Variants in NXPE2 observed in about 807,000 individuals in gnomAD.
The protein encoded by NXPE2 is NXPE family member 2.
Under a neutral mutation model 34.4 loss-of-function variants are expected in NXPE2, and 34 were observed. The observed-to-expected ratio is 0.99, with a 90% CI of 0.75 to 1.31. NXPE2 has a LOEUF of 1.31. NXPE2 is among the 40% of genes most tolerant of loss of function. The pLI is 0.00. For synonymous variants in NXPE2, 235 were observed against 231.3 expected (o/e 1.02, Z -0.15); for missense variants, 649 against 672.5 (o/e 0.97, Z 0.39).
At chr11:114,540,013 T>C in the NXPE2 span, among the ~76,000 whole-genome samples, 1 of 152,346 alleles carries the variant, frequency 6.6e-6, no homozygotes, top group South Asian at 2.1e-4. Flanking sequence ...ATAATTTCCT[T>C]ATGACCTCAC....
the NXPE2 span, among the ~76,000 whole-genome samples, chr11:114,775,880 GA>G: frequency 0.073 from 10,525 of 144,130 alleles, 407 homozygotes; most frequent in Non-Finnish European, 0.08. Flanking sequence ...ACAAAAAAAC[GA>G]AAAAAAAAAA....
chr11:114,522,568 T>C, the NXPE2 span: 10 of 1,353,578 alleles, frequency 7.4e-6, no homozygotes, highest in Middle Eastern at 8.2e-4. Flanking sequence ...AAAAAGAATG[T>C]CCTATCATTT....
chr11:114,648,995 T>A, the NXPE2 span, among the ~76,000 whole-genome samples: 1,550 of 152,310 alleles, frequency 0.01, 21 homozygotes, highest in African/African-American at 0.035. Flanking sequence ...TATATTTTTA[T>A]ACAAAAATAA....
the NXPE2 span, among the ~76,000 whole-genome samples, chr11:114,622,635 G>C: frequency 6.6e-6 from 1 of 151,740 alleles, no homozygotes. Flanking sequence ...TGGATAATAA[G>C]TGTTGCCTCG....
chr11:114,773,279 A>ACCCCCCC, the NXPE2 span, among the ~76,000 whole-genome samples: 48 of 69,406 alleles, frequency 6.9e-4, no homozygotes, highest in South Asian at 1.6e-3. Flanking sequence ...ACCCACTCCC[A>ACCCCCCC]CCCCCCCCCC....
chr11:114,501,322 A>AC, the NXPE2 span, among the ~76,000 whole-genome samples: 1 of 152,190 alleles, frequency 6.6e-6, no homozygotes, highest in East Asian at 1.9e-4. Context: ...TCTAAGCACT[A>AC]CCCCTTACAG....
At chr11:114,630,469 T>C in the NXPE2 span, among the ~76,000 whole-genome samples, 1 of 151,746 alleles carries the variant, frequency 6.6e-6, no homozygotes, top group Non-Finnish European at 1.5e-5. Flanking sequence ...TGGCTAGCCA[T>C]ATGTAGAAAG....
chr11:114,681,404 T>C (rs1950947625), intron 2 of NXPE2, among the ~76,000 whole-genome samples: 1 of 152,330 alleles, frequency 6.6e-6, no homozygotes, highest in East Asian at 1.9e-4. Context: ...GCTCCTCATG[T>C]AGCATGTGTA....
At chr11:114,489,884 A>G in the NXPE2 span, among the ~76,000 whole-genome samples, 1 of 151,926 alleles carries the variant, frequency 6.6e-6, no homozygotes, top group African/African-American at 2.4e-5. Context: ...AAGGGAAGAA[A>G]GGGCATTCAA....
At chr11:114,482,831 G>A in the NXPE2 span, among the ~76,000 whole-genome samples, 5 of 152,172 alleles carry the variant, frequency 3.3e-5, no homozygotes, top group African/African-American at 1.2e-4. Context: ...TCCCATAGGA[G>A]GTGTGGTTGC....
At chr11:114,467,297 G>A in the NXPE2 span, among the ~76,000 whole-genome samples, 1 of 152,146 alleles carries the variant, frequency 6.6e-6, no homozygotes, top group Non-Finnish European at 1.5e-5. Context: ...GTTCCTACCA[G>A]GAGTTCCTAA....
the NXPE2 span, among the ~76,000 whole-genome samples, chr11:114,543,471 T>C: frequency 3.3e-5 from 5 of 150,924 alleles, no homozygotes; most frequent in Non-Finnish European, 7.4e-5. Context: ...TGGGGAGCCA[T>C]GTTTGTGCCA....
the NXPE2 span, among the ~76,000 whole-genome samples, chr11:114,731,751 AC>A: frequency 6.6e-6 from 1 of 152,250 alleles, no homozygotes; most frequent in Non-Finnish European, 1.5e-5. Flanking sequence ...ATTTTATAGA[AC>A]TAAATACACA....
At chr11:114,528,729 GA>G in the NXPE2 span, 1 of 552,304 alleles carries the variant, frequency 1.8e-6, no homozygotes, top group Non-Finnish European at 3.4e-6. Flanking sequence ...GAAAGTGGAG[GA>G]AGGAAGAAAG....
chr11:114,632,040 TATATA>T, the NXPE2 span, among the ~76,000 whole-genome samples: 1 of 145,674 alleles, frequency 6.9e-6, no homozygotes, highest in Non-Finnish European at 1.5e-5. Flanking sequence ...TTATATATAA[TATATA>T]ATTTAATAAT....
At chr11:114,671,343 G>GGA in the NXPE2 span, among the ~76,000 whole-genome samples, 1 of 151,766 alleles carries the variant, frequency 6.6e-6, no homozygotes, top group African/African-American at 2.4e-5. Flanking sequence ...GGAATTAGGA[G>GGA]AGGATAGGGA....
At chr11:114,796,664 C>T in the NXPE2 span, among the ~76,000 whole-genome samples, 1 of 152,220 alleles carries the variant, frequency 6.6e-6, no homozygotes, top group African/African-American at 2.4e-5. Flanking sequence ...GAGTGCCAGG[C>T]TTTCTGCTGC....
intron 2 of NXPE2, among the ~76,000 whole-genome samples, chr11:114,681,380 C>G (rs1425775762): frequency 6.6e-6 from 1 of 152,162 alleles, no homozygotes; most frequent in African/African-American, 2.4e-5. Context: ...GAATATGGTA[C>G]TCTACCTTCA....
chr11:114,602,246 C>A, the NXPE2 span, among the ~76,000 whole-genome samples: 5 of 113,508 alleles, frequency 4.4e-5, no homozygotes, highest in African/African-American at 1.5e-4. Context: ...ATACTATATA[C>A]AATATATGTT....
Sources: allele counts gnomAD v4.1 joint callset (sites outside exome capture counted in the v4.1 genomes callset), GRCh38; gene constraint gnomAD v4.1.1; transcripts MANE v1.5; gene names NCBI Gene and HGNC (gene_info 2026-07-23, HGNC 2026-07-21).